IRAK3: variants seen among roughly 807,000 people sequenced by gnomAD.
IRAK3 encodes interleukin 1 receptor associated kinase 3.
In IRAK3, 57 loss-of-function variants were observed where a neutral mutation model predicts 56.6. The ratio of observed to expected loss-of-function variants is 1.01; its 90% CI spans 0.81 to 1.26. The LOEUF is 1.26. IRAK3 is among the 50% of genes most tolerant of loss of function. The pLI is 0.00. For synonymous variants in IRAK3, 258 were observed against 255.7 expected (o/e 1.01, Z -0.09); for missense variants, 703 against 719.0 (o/e 0.98, Z 0.25).
At chr12:66,211,656 TTAAAA>T in intron 5 of IRAK3, 59 bp downstream of exon 5, 8 of 1,380,576 alleles carry the variant, frequency 5.8e-6, no homozygotes, top group Non-Finnish European at 8.2e-6. Flanking sequence ...ATCTTTCATA[TTAAAA>T]TATGTCATTT....
chr12:66,254,189 T>C lies in IRAK3; in HGVS notation c.*6018T>C, dbSNP rs2053130846. 1 of 152,128 alleles carries C rather than the reference T, an allele frequency of 6.6e-6. No homozygotes were observed. The highest frequency in any genetic ancestry group is 1.5e-5 in the Non-Finnish European group (1 of 68,004). The allele number at this position is 152,128 out of a possible 1,614,324, so 9.4% of individuals were successfully genotyped here. ...ACCCAGCAGTTTGTTTAGGAATTTA[T>C]CCTAATGAATAAAAGTTGTCCAAGT... On this transcript the variant is annotated 3_prime_UTR_variant, in exon 12 of 12. Coordinates refer to ENST00000261233, the MANE Select transcript of IRAK3 (RefSeq NM_007199.3).
At chr12:66,245,529 C>CTTTTTT (rs745553622) in intron 11 of IRAK3, among the ~76,000 whole-genome samples, 14 of 75,392 alleles carry the variant, frequency 1.9e-4, no homozygotes, top group South Asian at 5.8e-4. Context: ...TTTATTCAAT[C>CTTTTTT]TTTTTTTTTT....
intron 1 of IRAK3, among the ~76,000 whole-genome samples, chr12:66,196,047 C>G (rs1291828726): frequency 6.6e-6 from 1 of 151,852 alleles, no homozygotes; most frequent in Non-Finnish European, 1.5e-5. Flanking sequence ...TATCACCTCT[C>G]ACATACTTTA....
chr12:66,210,062 C>A, intron 3 of IRAK3, 85 bp from the exon 4 acceptor site: 2 of 874,240 alleles, frequency 2.3e-6, no homozygotes, highest in Non-Finnish European at 3.9e-6. Context: ...TGCATAGTCC[C>A]CAGGGAGCTT....
At chr12:66,245,484 T>C (rs1166785855) in intron 11 of IRAK3, among the ~76,000 whole-genome samples, 1 of 151,434 alleles carries the variant, frequency 6.6e-6, no homozygotes, top group Non-Finnish European at 1.5e-5. Context: ...AAAAATTTAA[T>C]GTAAAGACAT....
In IRAK3 at chr12:66,252,647, C is replaced by T. The variant is rs2053111655; in HGVS notation, c.*4476C>T. 6.6e-6 allele frequency: 1 copy of T among 152,234 alleles called. No homozygotes were observed. Among genetic ancestry groups the T allele is most frequent in the Admixed American group, 6.5e-5 (1 of 15,284 alleles). The allele number at this position is 152,234 out of a possible 1,614,324, so 9.4% of individuals were successfully genotyped here. A position where few individuals can be genotyped will look rare whatever the true frequency, so the allele number is the denominator to read the frequency against. ...AGTGCAGATGGAAACCAGCAAAGCT[C>T]ACTGCCCTCATGGAGCTTATATGTA... On this transcript the variant is annotated 3_prime_UTR_variant, in exon 12 of 12. Transcript: ENST00000261233.
chr12:66,247,983 C>A lies in IRAK3; in HGVS notation c.1603C>A (p.Pro535Thr). ...GAGAAATGAGGAAGCTTGCAACATGCCCAGTTCTTCTTGTGAAGAAAGTTG... is the reference window on the plus strand; with the variant it reads ...GAGAAATGAGGAAGCTTGCAACATGACCAGTTCTTCTTGTGAAGAAAGTTG... ...SKRNEEACNM[P>T]SSSCEESWFP... The change falls in exon 12 of 12, where the codon CCC becomes ACC. Residue 535 changes from proline to threonine, a missense_variant. Transcript: ENST00000261233. 1 of 1,606,594 alleles carries A rather than the reference C, an allele frequency of 6.2e-7. No individual in the cohort carries two copies.
chr12:66,224,971 G>T (rs1293223611), intron 6 of IRAK3, among the ~76,000 whole-genome samples: 1 of 152,022 alleles, frequency 6.6e-6, no homozygotes, highest in East Asian at 1.9e-4. Flanking sequence ...GGGTGGCATG[G>T]GTCCATAGGT....
chr12:66,202,206 A>G (rs2052514646), intron 1 of IRAK3, among the ~76,000 whole-genome samples: 1 of 152,200 alleles, frequency 6.6e-6, no homozygotes, highest in South Asian at 2.1e-4. Context: ...ATAAGCGCCT[A>G]CTGATAGAGG....
chr12:66,190,930 T>C (rs959879077), intron 1 of IRAK3, among the ~76,000 whole-genome samples: 1 of 152,226 alleles, frequency 6.6e-6, no homozygotes, highest in South Asian at 2.1e-4. Flanking sequence ...AGTACAGACA[T>C]TTCTGGCATC....
At chr12:66,237,870 A>T (rs935602292) in intron 8 of IRAK3, among the ~76,000 whole-genome samples, 1 of 152,250 alleles carries the variant, frequency 6.6e-6, no homozygotes, top group Non-Finnish European at 1.5e-5. Context: ...CCATTCCTAT[A>T]CTGAGTAGTC....
At chr12:66,191,426 T>C (rs756230928) in intron 1 of IRAK3, among the ~76,000 whole-genome samples, 1 of 152,244 alleles carries the variant, frequency 6.6e-6, no homozygotes, top group Non-Finnish European at 1.5e-5. Flanking sequence ...TTTCTTGGAC[T>C]GGTTGATGTA....
At chr12:66,228,594 T>TTTGGTA (rs2052812892) in intron 8 of IRAK3, among the ~76,000 whole-genome samples, 1 of 152,244 alleles carries the variant, frequency 6.6e-6, no homozygotes, top group South Asian at 2.1e-4. Context: ...TTACATTATC[T>TTTGGTA]TTGGTAATTA....
chr12:66,201,182 C>T (rs2052504224), intron 1 of IRAK3, among the ~76,000 whole-genome samples: 1 of 152,144 alleles, frequency 6.6e-6, no homozygotes, highest in Admixed American at 6.6e-5. Context: ...TCTGAACAAC[C>T]ATTGCCTTTT....
rs536650049 is a variant in IRAK3, at chr12:66,224,822, C to T, written c.654-1901C>T. 1.8e-4 allele frequency among the ~76,000 whole-genome samples: 27 copies of T among 152,286 alleles called. No individual in the cohort carries two copies. In the South Asian group the frequency reaches 5.2e-3, roughly 29 times the overall value. On this transcript the variant is annotated intron_variant, in intron 6 of 11. Transcript: ENST00000261233. ...TAGTTGTTCAAATCTGTTTACCACACCATGGGGTCTGCATCATTTTGTCTG... is the reference window on the plus strand; with the variant it reads ...TAGTTGTTCAAATCTGTTTACCACATCATGGGGTCTGCATCATTTTGTCTG...
intron 2 of IRAK3, 107 bp downstream of exon 2, chr12:66,204,000 G>A (rs746018192): frequency 1.1e-5 from 11 of 1,017,514 alleles, no homozygotes; most frequent in Non-Finnish European, 1.2e-5. Context: ...CTCTGTGTCA[G>A]TGTTTCCTTA....
intron 6 of IRAK3, among the ~76,000 whole-genome samples, chr12:66,220,989 T>G (rs185065075): frequency 1.8e-3 from 281 of 152,336 alleles, no homozygotes; most frequent in African/African-American, 6.4e-3. Flanking sequence ...ATTAATTCTT[T>G]CAATTCAGGT....
rs1267186383 is a variant in IRAK3, at chr12:66,211,568, C to G, written c.559C>G (p.Leu187Val). 6.2e-7 allele frequency: 1 copy of G among 1,611,832 alleles called. No homozygotes were observed. Among genetic ancestry groups the G allele is most frequent in the Non-Finnish European group, 8.5e-7 (1 of 1,178,214 alleles). The change falls in exon 5 of 12, where the codon CTA becomes GTA. Residue 187 changes from leucine (L) to valine (V), a missense_variant. Physicochemically the swap from Leu to Val is conservative, Grantham distance 32 (BLOSUM62 1). Transcript: ENST00000261233. ...FEVYRVEIQNLTYAVKLFKQE... is the reference protein window; with the variant it reads ...FEVYRVEIQNVTYAVKLFKQE... ...GGTATACAGAGTGGAGATTCAAAAC[C>G]TAACATATGCTGTCAAATTATTTAA...
chr12:66,251,992 A>G lies in IRAK3; in HGVS notation c.*3821A>G, dbSNP rs2053104321. 1 of 152,206 alleles carries G rather than the reference A, an allele frequency of 6.6e-6. No individual in the cohort carries two copies. Among genetic ancestry groups the G allele is most frequent in the Non-Finnish European group, 1.5e-5 (1 of 68,042 alleles). The allele number at this position is 152,206 out of a possible 1,614,324, so 9.4% of individuals were successfully genotyped here. On this transcript the variant is annotated 3_prime_UTR_variant, in exon 12 of 12. Transcript: ENST00000261233. ...AAGGCTTCTTGGAGAAGGTTTCTGA[A>G]AAGAGATACGGAATTAAGAGAAATA...
Sources: gnomAD v4.1 joint callset for allele counts (sites outside exome capture counted in the v4.1 genomes callset) on GRCh38, gnomAD v4.1.1 for gene constraint, MANE v1.5 for transcripts, NCBI Gene and HGNC (gene_info 2026-07-23, HGNC 2026-07-21) for gene names.